Variants in PTPRM observed in about 807,000 individuals in gnomAD.
PTPRM encodes the protein receptor-type tyrosine-protein phosphatase mu.
PTPRM carries 47 observed loss-of-function variants against 186.7 expected under a neutral mutation model. The observed-to-expected ratio is 0.25, with a 90% confidence interval of 0.20 to 0.32. PTPRM has a LOEUF of 0.32. PTPRM is among the 10% of genes least tolerant of loss of function. The pLI is 1.00. For synonymous variants in PTPRM, 668 were observed against 674.9 expected, an observed-to-expected ratio of 0.99 and a Z score of 0.16; for missense variants, 1,494 against 1,865.0, an observed-to-expected ratio of 0.80 and a Z score of 3.66.
In PTPRM at chr18:8,325,649, C is replaced by T. The variant is rs147764223; in HGVS notation, c.2956+6435C>T. 2.9e-3 allele frequency among the ~76,000 whole-genome samples: 443 copies of T among 152,194 alleles called. 2 individuals carry two copies. The highest frequency in any genetic ancestry group is 9.9e-3 in the African/African-American group (410 of 41,538). On this transcript the variant is annotated intron_variant, in intron 22 of 32. Coordinates refer to ENST00000580170, the MANE Select transcript of PTPRM (RefSeq NM_001105244.2). Reference sequence around the variant, plus strand: ...CACATGTATGTATGTATCTGAATCACGCATGAATCATATAGAATGATTTAT... The same window carrying T: ...CACATGTATGTATGTATCTGAATCATGCATGAATCATATAGAATGATTTAT...
intron 7 of PTPRM, among the ~76,000 whole-genome samples, chr18:8,046,721 A>G (rs1047481544): frequency 5.3e-5 from 8 of 152,106 alleles, no homozygotes; most frequent in Non-Finnish European, 1.0e-4. Flanking sequence ...AAGAAGATCT[A>G]GTTTCAGGGG....
intron 7 of PTPRM, among the ~76,000 whole-genome samples, chr18:7,966,059 A>G (rs2054024957): frequency 6.6e-6 from 1 of 152,252 alleles, no homozygotes; most frequent in Non-Finnish European, 1.5e-5. Context: ...TATGAGGGTT[A>G]GCCATGTTCC....
At chr18:7,724,055 A>G (rs1001856971) in intron 1 of PTPRM, among the ~76,000 whole-genome samples, 1 of 151,528 alleles carries the variant, frequency 6.6e-6, no homozygotes, top group East Asian at 1.9e-4. Context: ...CATATCTTCT[A>G]TGTACTCCCT....
intron 1 of PTPRM, among the ~76,000 whole-genome samples, chr18:7,604,939 C>G (rs2037493939): frequency 6.6e-6 from 1 of 152,136 alleles, no homozygotes; most frequent in Non-Finnish European, 1.5e-5. Flanking sequence ...TTTGATATAG[C>G]TGCTATAGGT....
intron 7 of PTPRM, among the ~76,000 whole-genome samples, chr18:7,979,587 A>G (rs570311185): frequency 6.6e-6 from 1 of 152,342 alleles, no homozygotes; most frequent in East Asian, 1.9e-4. Context: ...AGAGCTCATA[A>G]TATGTATTTG....
rs73389777 is a variant in PTPRM at position 8,167,888 on chromosome 18, C to T, written c.2300+24109C>T. 9.3e-3 allele frequency among the ~76,000 whole-genome samples: 1,417 copies of T among 152,264 alleles called. 19 individuals carry two copies. The highest frequency in any genetic ancestry group is 0.032 in the African/African-American group (1,345 of 41,542). ...TGCTGAGATAAGTATTATCTTCCAG[C>T]GATGTCGCGAAGTGGCATGTTAAGC... On this transcript the variant is annotated intron_variant, in intron 14 of 32. Coordinates refer to ENST00000580170, the MANE Select transcript of PTPRM (RefSeq NM_001105244.2).
intron 2 of PTPRM, among the ~76,000 whole-genome samples, chr18:7,879,613 T>C (rs2048402668): frequency 6.6e-6 from 1 of 152,214 alleles, no homozygotes; most frequent in South Asian, 2.1e-4. Context: ...GCCGTTCAGT[T>C]GTGCTGTGAA....
chr18:8,232,880 C>G (rs558513782), intron 14 of PTPRM, among the ~76,000 whole-genome samples: 2 of 152,256 alleles, frequency 1.3e-5, no homozygotes, highest in South Asian at 4.1e-4. Context: ...ACACAGCCTT[C>G]CATATTTATT....
At chr18:7,750,743 G>A (rs879840842) in intron 1 of PTPRM, among the ~76,000 whole-genome samples, 20 of 152,038 alleles carry the variant, frequency 1.3e-4, no homozygotes, top group Admixed American at 5.9e-4. Context: ...CTTTGCTTTC[G>A]TATGAGTACA....
Position 7,733,397 on chromosome 18 carries a change from C to T in PTPRM, c.74-40752C>T, listed in dbSNP as rs141351065. On this transcript the variant is annotated intron_variant, in intron 1 of 32. Transcript: ENST00000580170. Reference sequence around the variant, plus strand: ...GATGGCTTCCAGCTTCATCCATGTCCCTGCAAAGGACATGATCTCATTCTT... The same window carrying T: ...GATGGCTTCCAGCTTCATCCATGTCTCTGCAAAGGACATGATCTCATTCTT... 3.7e-3 allele frequency among the ~76,000 whole-genome samples: 569 copies of T among 152,180 alleles called. 6 individuals are homozygous for T. The highest frequency in any genetic ancestry group is 0.013 in the African/African-American group (555 of 41,506).
intron 19 of PTPRM, among the ~76,000 whole-genome samples, chr18:8,273,188 T>G (rs887250570): frequency 6.6e-6 from 1 of 152,214 alleles, no homozygotes; most frequent in African/African-American, 2.4e-5. Flanking sequence ...TAGTTTATTG[T>G]GGTTCATGAT....
chr18:8,041,547 T>G lies in PTPRM; in HGVS notation c.1133-28139T>G, dbSNP rs181044116. ...TCTTTCTTATAAGATGTGTAAGCAA[T>G]GTCCTGCAGTGTGTTTGTGCAGCAT... is the stretch of plus-strand genomic sequence containing the variant. On this transcript the variant is annotated intron_variant, in intron 7 of 32. Transcript: ENST00000580170. Among the ~76,000 whole-genome samples the G allele has an allele frequency of 2.0e-5, 3 of 152,300 alleles. No individual in the cohort carries two copies. In the East Asian group the frequency reaches 5.8e-4, roughly 29 times the overall value.
chr18:8,147,939 G>C (rs974174265), intron 14 of PTPRM, among the ~76,000 whole-genome samples: 1 of 152,098 alleles, frequency 6.6e-6, no homozygotes, highest in Non-Finnish European at 1.5e-5. Flanking sequence ...TATGTGATGG[G>C]TTACGTTTAT....
chr18:7,613,287 TA>T (rs1367940685), intron 1 of PTPRM, among the ~76,000 whole-genome samples: 2 of 152,330 alleles, frequency 1.3e-5, no homozygotes, highest in African/African-American at 4.8e-5. Context: ...AGCTACTCCA[TA>T]CAATTTAATC....
intron 14 of PTPRM, among the ~76,000 whole-genome samples, chr18:8,239,107 T>G (rs185161131): frequency 6.7e-6 from 1 of 149,116 alleles, no homozygotes; most frequent in Admixed American, 6.7e-5. Flanking sequence ...AACTCGTCAT[T>G]TAGCATTAGG....
intron 14 of PTPRM, among the ~76,000 whole-genome samples, chr18:8,175,702 C>T (rs986350555): frequency 6.6e-6 from 1 of 152,176 alleles, no homozygotes; most frequent in African/African-American, 2.4e-5. Flanking sequence ...GGGAAATAGC[C>T]TGAAGCAGGG....
At chr18:8,365,998 G>C (rs1408349852) in intron 23 of PTPRM, among the ~76,000 whole-genome samples, 5 of 152,142 alleles carry the variant, frequency 3.3e-5, no homozygotes, top group African/African-American at 1.2e-4. Context: ...GGAGAGGGGG[G>C]CTTCAATAAA....
intron 7 of PTPRM, among the ~76,000 whole-genome samples, chr18:7,992,389 G>A (rs978818830): frequency 1.3e-5 from 2 of 152,106 alleles, no homozygotes; most frequent in African/African-American, 4.8e-5. Context: ...AAGCATTGTT[G>A]TTTCACTCAG....
intron 17 of PTPRM, among the ~76,000 whole-genome samples, chr18:8,252,154 A>G (rs1290287209): frequency 6.6e-6 from 1 of 152,202 alleles, no homozygotes; most frequent in Admixed American, 6.5e-5. Context: ...TTTATAGTAC[A>G]ATTTGGTTGA....
Sources: allele counts gnomAD v4.1 joint callset (sites outside exome capture counted in the v4.1 genomes callset), GRCh38; gene constraint gnomAD v4.1.1; transcripts MANE v1.5; gene names NCBI Gene and HGNC (gene_info 2026-07-23, HGNC 2026-07-21).